SASS6: variants seen among roughly 807,000 people sequenced by gnomAD.
SASS6 encodes the protein spindle assembly abnormal protein 6 homolog.
Under a neutral mutation model 94.9 loss-of-function variants are expected in SASS6, and 59 were observed. That is an observed-to-expected ratio of 0.62 (90% CI 0.50 to 0.77). The LOEUF (loss-of-function observed/expected upper bound fraction) is 0.77, where lower values mean the gene tolerates loss of function less well. Among genes scored for constraint, SASS6 ranks in the 30% least tolerant of loss-of-function variants. SASS6 has a pLI of 0.00. For synonymous variants in SASS6, 264 were observed against 270.0 expected (o/e 0.98, Z 0.22); for missense variants, 698 against 734.1 (o/e 0.95, Z 0.57).
chr1:100,089,839 G>T (rs1278330857), intron 14 of SASS6, among the ~76,000 whole-genome samples: 2 of 151,756 alleles, frequency 1.3e-5, no homozygotes, highest in East Asian at 1.9e-4. Context: ...GTAATGTATG[G>T]GTTAACCAAG....
Position 100,103,074 on chromosome 1 carries a change from T to G in SASS6, c.1555A>C (p.Arg519=). The G allele has an allele frequency of 6.3e-7, 1 of 1,589,924 alleles. No homozygotes were observed. Among genetic ancestry groups the G allele is most frequent in the Non-Finnish European group, 8.6e-7 (1 of 1,163,328 alleles). ...ISPNLNVVDG[R]LTYPTCGIGY... is the part of the protein sequence containing the mutation. ...ATCCCACAGGTTGGGTAAGTCAGTCTACCATCAACCTAAAAATAAAAACAT... is the reference window on the plus strand; with the variant it reads ...ATCCCACAGGTTGGGTAAGTCAGTCGACCATCAACCTAAAAATAAAAACAT... The change falls in exon 14 of 17, where the codon AGA becomes CGA. Residue 519 remains arginine (R), a synonymous_variant. Transcript: ENST00000287482.
rs1315957670 is a variant in SASS6, at chr1:100,132,905, G to C, written c.-91C>G. ...AGAGGTCCGGGTCCTGATAAAGTTT[G>C]AGTTTGGCGCTCGGCTTCTGCGGAG... On this transcript the variant is annotated 5_prime_UTR_variant, in exon 1 of 17. Coordinates refer to ENST00000287482, the MANE Select transcript of SASS6 (RefSeq NM_194292.3). 10 of 1,282,962 alleles carry C rather than the reference G, an allele frequency of 7.8e-6. No individual in the cohort carries two copies. Among genetic ancestry groups the C allele is most frequent in the Non-Finnish European group, 1.1e-5 (10 of 893,604 alleles). The allele number at this position is 1,282,962 out of a possible 1,614,324, so 79.5% of individuals were successfully genotyped here.
chr1:100,098,890 T>C (rs933076603), intron 14 of SASS6, among the ~76,000 whole-genome samples: 1 of 152,228 alleles, frequency 6.6e-6, no homozygotes, highest in African/African-American at 2.4e-5. Context: ...TGAACACATA[T>C]ACATATACAT....
intron 4 of SASS6, 74 bp downstream of exon 4, chr1:100,122,306 G>A (rs1654251082): frequency 3.0e-6 from 2 of 659,864 alleles, no homozygotes; most frequent in South Asian, 2.0e-5. Flanking sequence ...AAAAGATTTT[G>A]CCATCAACTT....
At chr1:100,102,874 A>G in intron 14 of SASS6, 81 bp downstream of exon 14, 1 of 1,068,590 alleles carries the variant, frequency 9.4e-7, no homozygotes, top group South Asian at 1.5e-5. Flanking sequence ...GAATAAATGA[A>G]CTTTTAAAAG....
intron 14 of SASS6, among the ~76,000 whole-genome samples, chr1:100,097,784 C>G (rs1214448272): frequency 1.3e-5 from 2 of 151,972 alleles, no homozygotes; most frequent in Non-Finnish European, 2.9e-5. Context: ...AAGCCATGAT[C>G]GTGCCACTGC....
chr1:100,108,800 A>G (rs1035107420), intron 8 of SASS6, among the ~76,000 whole-genome samples: 1 of 152,084 alleles, frequency 6.6e-6, no homozygotes, highest in South Asian at 2.1e-4. Flanking sequence ...CTCATTTGTA[A>G]AACAGAAATA....
At chr1:100,090,726 T>A (rs1042706319) in intron 14 of SASS6, among the ~76,000 whole-genome samples, 2 of 151,938 alleles carry the variant, frequency 1.3e-5, no homozygotes, top group Non-Finnish European at 2.9e-5. Flanking sequence ...AGGAACTGCA[T>A]AGCACGGAAA....
At position 100,097,634 on chromosome 1, in the gene SASS6, G is replaced by A. The variant is rs145858969; in HGVS notation, c.1674+5321C>T. Among the ~76,000 whole-genome samples the A allele has an allele frequency of 4.7e-3, 720 of 152,074 alleles. 4 individuals are homozygous for A. Among genetic ancestry groups the A allele is most frequent in the African/African-American group, 0.016 (651 of 41,446 alleles). On this transcript the variant is annotated intron_variant, in intron 14 of 16. Transcript: ENST00000287482. Reference sequence around the variant, plus strand: ...GAGCCCAGGAATTCGAAATCACCCTGAGCAACATGGTGAAACTCCATCTCT... The same window carrying A: ...GAGCCCAGGAATTCGAAATCACCCTAAGCAACATGGTGAAACTCCATCTCT...
At chr1:100,094,776 G>C (rs1268033409) in intron 14 of SASS6, among the ~76,000 whole-genome samples, 1 of 150,820 alleles carries the variant, frequency 6.6e-6, no homozygotes, top group Non-Finnish European at 1.5e-5. Context: ...TGCGGCAGAA[G>C]AATCGCTGGA....
rs573211691 is a variant in SASS6 at position 100,105,833 on chromosome 1, A to G, written c.1479T>C (p.Ser493=). Residue 493 remains serine, a synonymous_variant, in exon 13 of 17, where the codon TCT becomes TCC. Transcript: ENST00000287482. The part of the protein sequence containing the change: ...LVRKQDVLGP[S]TTPPAHSSSN... ...TGCTGGAATGTGCAGGCGGAGTAGTAGAAGGTCCCAATACATCTTGCTTTC... is the reference window on the plus strand; with the variant it reads ...TGCTGGAATGTGCAGGCGGAGTAGTGGAAGGTCCCAATACATCTTGCTTTC... 1 of 1,612,958 alleles carries G rather than the reference A, an allele frequency of 6.2e-7. No individual in the cohort carries two copies. Among genetic ancestry groups the G allele is most frequent in the African/African-American group, 1.3e-5 (1 of 75,018 alleles).
chr1:100,100,998 AATAAT>A (rs1281823732), intron 14 of SASS6, among the ~76,000 whole-genome samples: 22 of 152,288 alleles, frequency 1.4e-4, no homozygotes, highest in African/African-American at 5.3e-4. Context: ...TTTTATTATT[AATAAT>A]ATAACATTTA....
intron 14 of SASS6, among the ~76,000 whole-genome samples, chr1:100,091,500 G>GA (rs1286120391): frequency 6.6e-6 from 1 of 151,778 alleles, no homozygotes; most frequent in Non-Finnish European, 1.5e-5. Flanking sequence ...ACTCATAAGG[G>GA]AAAAGTTAAA....
intron 14 of SASS6, among the ~76,000 whole-genome samples, chr1:100,102,039 G>C (rs1250638032): frequency 6.6e-6 from 1 of 151,896 alleles, no homozygotes; most frequent in Non-Finnish European, 1.5e-5. Flanking sequence ...AGTTAGCAAT[G>C]AAAATAAAAG....
Position 100,085,271 on chromosome 1 carries a change from T to C in SASS6, c.*57A>G. ...TGAGGATCTGGTTTGTGTTGACATATTTTTTAAGCACCTGAGTTTCTAAAA... is the reference window on the plus strand; with the variant it reads ...TGAGGATCTGGTTTGTGTTGACATACTTTTTAAGCACCTGAGTTTCTAAAA... On this transcript the variant is annotated 3_prime_UTR_variant, in exon 17 of 17. Coordinates refer to ENST00000287482, the MANE Select transcript of SASS6 (RefSeq NM_194292.3). 9.1e-7 allele frequency: 1 copy of C among 1,096,814 alleles called. No individual in the cohort carries two copies. Among genetic ancestry groups the C allele is most frequent in the Non-Finnish European group, 1.4e-6 (1 of 710,514 alleles). 67.9% of individuals were successfully genotyped at this position (1,096,814 alleles called of 1,614,324 possible). A position where few individuals can be genotyped will look rare whatever the true frequency, so the allele number is the denominator to read the frequency against.
rs201823158 is a variant in SASS6, at chr1:100,123,199, A to T, written c.206+11T>A. 6.4e-4 allele frequency: 785 copies of T among 1,230,910 alleles called. 7 individuals are homozygous for T. Among genetic ancestry groups the T allele is most frequent in the Non-Finnish European group, 1.1e-4 (97 of 850,662 alleles). The allele number at this position is 1,230,910 out of a possible 1,614,324, so 76.2% of individuals were successfully genotyped here. A position where few individuals can be genotyped will look rare whatever the true frequency, so the allele number is the denominator to read the frequency against. ...TTCACTAAATATAAGATCAGAAAAA[A>T]ATTTAGTTACCTTTGAAAATCTTCC... On this transcript the variant is annotated intron_variant, in intron 3 of 16. Transcript: ENST00000287482.
chr1:100,111,983 TA>T (rs528597468), intron 7 of SASS6, among the ~76,000 whole-genome samples: 1 of 151,310 alleles, frequency 6.6e-6, no homozygotes, highest in Non-Finnish European at 1.5e-5. Flanking sequence ...GATTTTTGTT[TA>T]AAAAAAAAGT....
intron 7 of SASS6, among the ~76,000 whole-genome samples, chr1:100,116,133 G>T (rs917733658): frequency 2.0e-5 from 3 of 152,116 alleles, no homozygotes; most frequent in Non-Finnish European, 4.4e-5. Context: ...GCAAATGACA[G>T]GCTGGGAGAA....
At chr1:100,126,143 CCTAAAA>C (rs1269380170) in intron 1 of SASS6, among the ~76,000 whole-genome samples, 5 of 152,168 alleles carry the variant, frequency 3.3e-5, no homozygotes, top group Admixed American at 1.3e-4. Context: ...CAGTGTTTAA[CCTAAAA>C]CTAAATTTTT....
Sources: gnomAD v4.1 joint callset for allele counts (sites outside exome capture counted in the v4.1 genomes callset) on GRCh38, gnomAD v4.1.1 for gene constraint, MANE v1.5 for transcripts, NCBI Gene and HGNC (gene_info 2026-07-23, HGNC 2026-07-21) for gene names.